The following TMPRSS4 variants were observed in gnomAD, a reference collection of about 807,000 sequenced individuals.
The protein encoded by TMPRSS4 is transmembrane protease serine 4.
TMPRSS4 carries 45 observed loss-of-function variants against 56.4 expected under a neutral mutation model. The ratio of observed to expected loss-of-function variants is 0.80; its 90% CI spans 0.63 to 1.02. The LOEUF (loss-of-function observed/expected upper bound fraction) is 1.02, where lower values mean the gene tolerates loss of function less well. Ranked by LOEUF, TMPRSS4 falls within the 50% of genes least tolerant of loss-of-function variation. The probability of loss-of-function intolerance (pLI) is 0.00; values close to 1 mark genes in which losing one functional copy is unlikely to be tolerated. For synonymous variants in TMPRSS4, 205 were observed against 211.0 expected, an observed-to-expected ratio of 0.97 and a Z score of 0.25; for missense variants, 546 against 556.7, an observed-to-expected ratio of 0.98 and a Z score of 0.19.
intron 1 of TMPRSS4, among the ~76,000 whole-genome samples, chr11:118,092,381 C>T (rs1946030817): frequency 6.6e-6 from 1 of 152,310 alleles, no homozygotes; most frequent in South Asian, 2.1e-4. Flanking sequence ...TGGGGGGAAG[C>T]CAGTGAGCCA....
chr11:118,117,065 T>C (rs1283045501), intron 11 of TMPRSS4, among the ~76,000 whole-genome samples: 3 of 152,062 alleles, frequency 2.0e-5, no homozygotes, highest in Admixed American at 2.0e-4. Context: ...CTAATGTGAG[T>C]TGTGAATCTC....
intron 1 of TMPRSS4, 58 bp from the exon 2 acceptor site, chr11:118,094,758 C>A: frequency 6.5e-7 from 1 of 1,543,298 alleles, no homozygotes; most frequent in Non-Finnish European, 8.9e-7. Context: ...CTCCCGTAGG[C>A]TGCTAGCCCC....
At position 118,103,126 on chromosome 11, in the gene TMPRSS4, C is replaced by T; in HGVS notation, c.183C>T (p.Tyr61=). 6.2e-7 allele frequency: 1 copy of T among 1,614,246 alleles called. No individual in the cohort carries two copies. Among genetic ancestry groups the T allele is most frequent in the Non-Finnish European group, 8.5e-7 (1 of 1,180,052 alleles). The change falls in exon 4 of 13, where the codon TAC becomes TAT. Residue 61 remains tyrosine (Y), a synonymous_variant. Coordinates refer to ENST00000437212, the MANE Select transcript of TMPRSS4 (RefSeq NM_019894.4). The part of the protein sequence containing the change: ...VLIKVILDKY[Y]FLCGQPLHFI... ...TCAAGGTGATTCTGGATAAATACTA[C>T]TTCCTCTGCGGGCAGCCTCTCCACT...
intron 1 of TMPRSS4, among the ~76,000 whole-genome samples, chr11:118,082,809 A>G (rs1394134444): frequency 6.6e-6 from 1 of 152,218 alleles, no homozygotes; most frequent in East Asian, 1.9e-4. Context: ...GACTAATCCT[A>G]TCTGTGGGAG....
chr11:118,077,135 G>A lies in TMPRSS4; in HGVS notation c.-168G>A, dbSNP rs879575556. The stretch of plus-strand genomic sequence containing the variant: ...TGCTCAGCGGACAAGGATGCTGGGC[G>A]TGAGGGACCAAGGCCTGCCCTGCAC... On this transcript the variant is annotated 5_prime_UTR_variant, in exon 1 of 13. It adds an upstream start codon to the 5' untranslated region. Coordinates refer to ENST00000437212, the MANE Select transcript of TMPRSS4 (RefSeq NM_019894.4). 5.0e-5 allele frequency: 33 copies of A among 666,620 alleles called. No homozygotes were observed. The highest frequency in any genetic ancestry group is 7.5e-5 in the African/African-American group (4 of 53,282). 41.3% of individuals were successfully genotyped at this position (666,620 alleles called of 1,614,324 possible).
chr11:118,083,337 G>T (rs1565408863), intron 1 of TMPRSS4, among the ~76,000 whole-genome samples: 2 of 152,172 alleles, frequency 1.3e-5, no homozygotes, highest in Non-Finnish European at 1.5e-5. Flanking sequence ...TGAACTGCGT[G>T]TTCCACCCTC....
intron 8 of TMPRSS4, 31 bp downstream of exon 8, chr11:118,111,931 G>A (rs748478486): frequency 6.3e-7 from 1 of 1,589,534 alleles, no homozygotes; most frequent in African/African-American, 1.4e-5. Context: ...AGGTCTCTGG[G>A]GACCAAGGCC....
At chr11:118,117,659 T>TA in intron 12 of TMPRSS4, 1 of 985,166 alleles carries the variant, frequency 1.0e-6, no homozygotes, top group Non-Finnish European at 1.2e-6. Context: ...GCAAATACCT[T>TA]AGGGAATAGA....
At position 118,119,885 on chromosome 11, in the gene TMPRSS4, A is replaced by C. The variant is rs562799048; in HGVS notation, c.*1972A>C. The C allele has an allele frequency of 6.6e-6, 1 of 152,362 alleles. No homozygotes were observed. The highest frequency in any genetic ancestry group is 1.5e-5 in the Non-Finnish European group (1 of 68,042). The allele number at this position is 152,362 out of a possible 1,614,324, so 9.4% of individuals were successfully genotyped here. A position where few individuals can be genotyped will look rare whatever the true frequency, so the allele number is the denominator to read the frequency against. ...TCAAATGCACATAACACAAGTTGCC[A>C]TCTTCACCATTTTTAGGTGTATAGT... is the stretch of plus-strand genomic sequence containing the variant. On this transcript the variant is annotated 3_prime_UTR_variant, in exon 13 of 13. Coordinates refer to ENST00000437212, the MANE Select transcript of TMPRSS4 (RefSeq NM_019894.4).
intron 7 of TMPRSS4, among the ~76,000 whole-genome samples, chr11:118,110,266 T>A (rs1216206376): frequency 1.3e-5 from 2 of 152,130 alleles, no homozygotes; most frequent in Non-Finnish European, 2.9e-5. Flanking sequence ...TCCCCAACCT[T>A]TTTGGCACAA....
chr11:118,107,738 C>T, intron 5 of TMPRSS4, 36 bp from the exon 6 acceptor site: 1 of 1,589,556 alleles, frequency 6.3e-7, no homozygotes, highest in Non-Finnish European at 8.6e-7. Context: ...CCCCCTGCCC[C>T]AGCTCACAAC....
At chr11:118,094,881 G>T in intron 2 of TMPRSS4, 26 bp downstream of exon 2, 1 of 1,608,074 alleles carries the variant, frequency 6.2e-7, no homozygotes, top group South Asian at 1.1e-5. Context: ...GCTTTCATTC[G>T]TCCACCTTAG....
At position 118,103,190 on chromosome 11, in the gene TMPRSS4, T is replaced by C. The variant is rs1266376973; in HGVS notation, c.247T>C (p.Cys83Arg). 2 of 1,614,232 alleles carry C rather than the reference T, an allele frequency of 1.2e-6. No individual in the cohort carries two copies. Among genetic ancestry groups the C allele is most frequent in the East Asian group, 2.2e-5 (1 of 44,890 alleles). Residue 83 changes from cysteine to arginine, a missense_variant, in exon 4 of 13, where the codon TGT becomes CGT. Physicochemically the swap from Cys to Arg is radical, Grantham distance 180. Transcript: ENST00000437212. ...RKQLCDGELD[C>R]PLGEDEEHCV... ...GCAGCTGTGTGACGGAGAGCTGGAC[T>C]GTCCCTTGGGGGAGGACGAGGAGCA...
intron 7 of TMPRSS4, 43 bp from the exon 8 acceptor site, chr11:118,111,698 C>T (rs756059968): frequency 6.6e-7 from 1 of 1,508,296 alleles, no homozygotes; most frequent in Non-Finnish European, 8.9e-7. Context: ...TCATCCCCAA[C>T]AGCCTGACTT....
rs1286876524 is a variant in TMPRSS4, at chr11:118,117,973, TC to T, written c.*65del. ...CCTTCCTGCCCTGCCCACCTGGGGA[TC>T]CCCCAAAGTCAGACACAGAGCAAGA... On this transcript the variant is annotated 3_prime_UTR_variant, in exon 13 of 13. Transcript: ENST00000437212. The T allele has an allele frequency of 1.2e-6, 2 of 1,611,592 alleles. No individual in the cohort carries two copies. The highest frequency in any genetic ancestry group is 4.5e-5 in the East Asian group (2 of 44,882).
In TMPRSS4 at chr11:118,118,975, T is replaced by A; in HGVS notation, c.*1062T>A. 1 of 985,402 alleles carries A rather than the reference T, an allele frequency of 1.0e-6. No individual in the cohort carries two copies. The highest frequency in any genetic ancestry group is 1.2e-6 in the Non-Finnish European group (1 of 829,918). The allele number at this position is 985,402 out of a possible 1,614,324, so 61.0% of individuals were successfully genotyped here. On this transcript the variant is annotated 3_prime_UTR_variant, in exon 13 of 13. Transcript: ENST00000437212. Reference sequence around the variant, plus strand: ...CCTGCACTCAAAATGGTCAAAGAATTAAACCCCATGGACTTTTTTGGCATC... The same window carrying A: ...CCTGCACTCAAAATGGTCAAAGAATAAAACCCCATGGACTTTTTTGGCATC...
At chr11:118,108,644 A>T in intron 6 of TMPRSS4, 1 of 594,936 alleles carries the variant, frequency 1.7e-6, no homozygotes, top group East Asian at 2.9e-5. Flanking sequence ...GTAGGTACTC[A>T]GCAGTGGGGG....
chr11:118,110,962 G>A (rs1947247084), intron 7 of TMPRSS4, among the ~76,000 whole-genome samples: 1 of 152,252 alleles, frequency 6.6e-6, no homozygotes, highest in African/African-American at 2.4e-5. Context: ...GCAGGAGGCT[G>A]CTAGGAGGAG....
At chr11:118,125,310 A>C (rs1484028833), downstream of TMPRSS4, 2 of 456,748 alleles carry the variant, frequency 4.4e-6, no homozygotes, top group South Asian at 3.1e-5. Context: ...AACTATTCAG[A>C]GAAGCTGTAA....
Sources: allele counts gnomAD v4.1 joint callset (sites outside exome capture counted in the v4.1 genomes callset), GRCh38; gene constraint gnomAD v4.1.1; transcripts MANE v1.5; gene names NCBI Gene and HGNC (gene_info 2026-07-23, HGNC 2026-07-21).